Variants in GPR137B observed in about 807,000 individuals in gnomAD.
GPR137B encodes G protein-coupled receptor 137B.
A neutral mutation model predicts 42.5 loss-of-function variants in GPR137B; 42 were observed. That is an observed-to-expected ratio of 0.99 (90% CI 0.77 to 1.28). GPR137B has a LOEUF of 1.28. Ranked by LOEUF, GPR137B falls within the 50% of genes most tolerant of loss-of-function variation. The pLI, the probability that GPR137B is intolerant of heterozygous loss-of-function variation, is 0.00. For synonymous variants in GPR137B, 218 were observed against 209.7 expected, an observed-to-expected ratio of 1.04 and a Z score of -0.34; for missense variants, 487 against 493.9, an observed-to-expected ratio of 0.99 and a Z score of 0.13.
At chr1:236,161,986 AACAG>A (rs149846805) in intron 1 of GPR137B, among the ~76,000 whole-genome samples, 3,829 of 152,298 alleles carry the variant, frequency 0.025, 142 homozygotes, top group East Asian at 0.18. Flanking sequence ...GGAACTGGGT[AACAG>A]ACAGAGATTA....
chr1:236,160,501 C>A (rs541727079), intron 1 of GPR137B, among the ~76,000 whole-genome samples: 1 of 152,280 alleles, frequency 6.6e-6, no homozygotes, highest in East Asian at 1.9e-4. Context: ...CTGCCTCCTG[C>A]CTCTCCCTGT....
chr1:236,163,744 C>A (rs1259703435), intron 1 of GPR137B, among the ~76,000 whole-genome samples: 1 of 152,182 alleles, frequency 6.6e-6, no homozygotes, highest in South Asian at 2.1e-4. Flanking sequence ...CTTCCCCAGC[C>A]ATGTGGAACT....
chr1:236,200,079 T>C (rs1663450556), intron 5 of GPR137B, among the ~76,000 whole-genome samples: 2 of 152,064 alleles, frequency 1.3e-5, no homozygotes, highest in East Asian at 1.9e-4. Flanking sequence ...GTTCTAAGAA[T>C]TTAATTTCCA....
chr1:236,193,459 C>G (rs1268490928), intron 5 of GPR137B, among the ~76,000 whole-genome samples: 1 of 152,080 alleles, frequency 6.6e-6, no homozygotes, highest in East Asian at 1.9e-4. Context: ...AGACTATTTT[C>G]CACAGAGACA....
chr1:236,153,824 C>G (rs1661938881), intron 1 of GPR137B, among the ~76,000 whole-genome samples: 1 of 152,148 alleles, frequency 6.6e-6, no homozygotes, highest in Non-Finnish European at 1.5e-5. Flanking sequence ...TAAAAAGAAC[C>G]AGTGGTTTTT....
In GPR137B at chr1:236,168,766, C is replaced by T; in HGVS notation, c.464+11C>T. The stretch of plus-strand genomic sequence containing the variant: ...ATTACTCAAATACCGGTAAGTACTG[C>T]AGGGCATCTCTTTCTGTGGTAGAAG... On this transcript the variant is annotated intron_variant, in intron 2 of 6. Transcript: ENST00000366592. 2 of 1,574,824 alleles carry T rather than the reference C, an allele frequency of 1.3e-6. No homozygotes were observed. Among genetic ancestry groups the T allele is most frequent in the Non-Finnish European group, 1.7e-6 (2 of 1,144,104 alleles).
chr1:236,170,669 G>T (rs936416766), intron 2 of GPR137B, among the ~76,000 whole-genome samples: 2 of 151,926 alleles, frequency 1.3e-5, no homozygotes, highest in Non-Finnish European at 2.9e-5. Flanking sequence ...AGATTTTTTT[G>T]GATTTTGAAA....
At chr1:236,177,524 C>T (rs1318900202) in intron 2 of GPR137B, among the ~76,000 whole-genome samples, 4 of 151,422 alleles carry the variant, frequency 2.6e-5, no homozygotes, top group African/African-American at 7.3e-5. Context: ...ATCTGTTGAT[C>T]CTTGGGTAGT....
At chr1:236,164,352 T>C (rs975765323) in intron 1 of GPR137B, among the ~76,000 whole-genome samples, 2 of 152,200 alleles carry the variant, frequency 1.3e-5, no homozygotes, top group African/African-American at 4.8e-5. Flanking sequence ...TTCTTGTACA[T>C]CTGGGGACAC....
At chr1:236,205,472 T>A (rs1214764132) in intron 6 of GPR137B, among the ~76,000 whole-genome samples, 2 of 152,184 alleles carry the variant, frequency 1.3e-5, no homozygotes, top group African/African-American at 4.8e-5. Context: ...TACAGTAGTG[T>A]TTCCTAAACA....
intron 1 of GPR137B, among the ~76,000 whole-genome samples, chr1:236,162,550 G>A (rs539078686): frequency 6.6e-6 from 1 of 152,272 alleles, no homozygotes; most frequent in East Asian, 1.9e-4. Context: ...TAAGCCTTAA[G>A]TCCCTTTTGT....
intron 5 of GPR137B, among the ~76,000 whole-genome samples, chr1:236,203,765 T>C (rs1267421962): frequency 1.3e-5 from 2 of 152,242 alleles, no homozygotes; most frequent in Non-Finnish European, 2.9e-5. Context: ...TTGTGGCTAT[T>C]ATAAGTGGGA....
At chr1:236,151,417 C>CCTTTTTTTTTTTTTTTTTTT (rs1405128961) in intron 1 of GPR137B, among the ~76,000 whole-genome samples, 2 of 126,570 alleles carry the variant, frequency 1.6e-5, no homozygotes, top group Non-Finnish European at 1.6e-5. Flanking sequence ...GTTGCATATT[C>CCTTTTTTTTTTTTTTTTTTT]ATTTTTTTTT....
intron 1 of GPR137B, among the ~76,000 whole-genome samples, chr1:236,144,272 G>C (rs1251012073): frequency 1.3e-5 from 2 of 152,210 alleles, no homozygotes; most frequent in African/African-American, 4.8e-5. Flanking sequence ...AAAATTAGCT[G>C]GGTGTGGTAG....
At chr1:236,143,107 G>A in intron 1 of GPR137B, 71 bp downstream of exon 1, 1 of 1,361,520 alleles carries the variant, frequency 7.3e-7, no homozygotes, top group Admixed American at 2.1e-5. Flanking sequence ...CGAGGCAGGG[G>A]CGATGGCAGC....
intron 1 of GPR137B, among the ~76,000 whole-genome samples, chr1:236,157,126 C>T (rs557453016): frequency 6.6e-6 from 1 of 152,108 alleles, no homozygotes; most frequent in African/African-American, 2.4e-5. Flanking sequence ...AGGTGAGGTA[C>T]TTGAGGCACA....
Position 236,143,031 on chromosome 1 carries a change from A to C in GPR137B, c.409A>C (p.Thr137Pro), listed in dbSNP as rs1486099057. 1 of 1,609,272 alleles carries C rather than the reference A, an allele frequency of 6.2e-7. No homozygotes were observed. Among genetic ancestry groups the C allele is most frequent in the Admixed American group, 1.7e-5 (1 of 59,832 alleles). ...FTLTLMNLYF[T>P]QVIFKAKSKY... The stretch of plus-strand genomic sequence containing the variant: ...CCTCACGCTGATGAACTTGTACTTC[A>C]CGCAGGTGAGTTTCAGAGAGGCTCC... Residue 137 changes from threonine to proline, a missense_variant, in exon 1 of 7, where the codon ACG becomes CCG. Transcript: ENST00000366592.
chr1:236,207,101 TAA>T (rs1663684765), intron 6 of GPR137B: 1 of 979,168 alleles, frequency 1.0e-6, no homozygotes, highest in African/African-American at 1.8e-5. Flanking sequence ...GAAAACTTTT[TAA>T]GAGAGCTCTG....
At chr1:236,180,220 C>G (rs1414467211) in intron 4 of GPR137B, 192 bp downstream of exon 4, 1 of 557,056 alleles carries the variant, frequency 1.8e-6, no homozygotes, top group Non-Finnish European at 3.3e-6. Context: ...ATTTACAATA[C>G]CAAATACAAC....
Sources: allele counts gnomAD v4.1 joint callset (sites outside exome capture counted in the v4.1 genomes callset), GRCh38; gene constraint gnomAD v4.1.1; transcripts MANE v1.5; gene names NCBI Gene and HGNC (gene_info 2026-07-23, HGNC 2026-07-21).